MGAT5B: variants seen among roughly 807,000 people sequenced by gnomAD.
The protein encoded by MGAT5B is N-acetylglucosaminyl-transferase Vb.
Under a neutral mutation model 95.1 loss-of-function variants are expected in MGAT5B, and 54 were observed. The ratio of observed to expected loss-of-function variants is 0.57; its 90% CI spans 0.46 to 0.71. The LOEUF is 0.71. Ranked by LOEUF, MGAT5B falls within the 30% of genes least tolerant of loss-of-function variation. The pLI is 0.00. For missense variants in MGAT5B, 935 were observed against 1,088.6 expected (o/e 0.86, Z 1.99); for synonymous variants, 464 against 451.0 (o/e 1.03, Z -0.36).
intron 3 of MGAT5B, among the ~76,000 whole-genome samples, chr17:76,887,828 A>G (rs1369032824): frequency 6.6e-6 from 1 of 151,696 alleles, no homozygotes; most frequent in Non-Finnish European, 1.5e-5. Context: ...AAGTGCTGGG[A>G]TTGCAGGTGT....
rs974281150 is a variant in MGAT5B at position 76,912,301 on chromosome 17, A to T, written c.1025+6114A>T. 6.6e-6 allele frequency among the ~76,000 whole-genome samples: 1 copy of T among 152,150 alleles called. No homozygotes were observed. The highest frequency in any genetic ancestry group is 2.1e-4 in the South Asian group (1 of 4,824). On this transcript the variant is annotated intron_variant, in intron 8 of 17. Transcript: ENST00000569840. This position sits in a 1 kb window ranked among gnomAD's most constrained non-coding sequence, Gnocchi z 5.0. Reference sequence around the variant, plus strand: ...GGGGCCCTGGGCAGAGTTCCCAGCGAGCAACCGCGAGCCCTTCAGGGAGAG... The same window carrying T: ...GGGGCCCTGGGCAGAGTTCCCAGCGTGCAACCGCGAGCCCTTCAGGGAGAG...
intron 4 of MGAT5B, 62 bp downstream of exon 4, chr17:76,902,732 TGGGCCCTGGGA>T: frequency 2.0e-5 from 14 of 684,874 alleles, no homozygotes; most frequent in East Asian, 4.2e-5. Flanking sequence ...GGGTGCTGGG[TGGGCCCTGGGA>T]GGGTGGGACA....
chr17:76,932,313 A>C (rs1056141850), intron 10 of MGAT5B, among the ~76,000 whole-genome samples: 1 of 151,788 alleles, frequency 6.6e-6, no homozygotes, highest in Non-Finnish European at 1.5e-5. Flanking sequence ...TTAAATTTTT[A>C]AATAGAGACA....
rs374435006 is a variant in MGAT5B at position 76,940,696 on chromosome 17, C to T, written c.1732-36C>T. 19 of 1,605,374 alleles carry T rather than the reference C, an allele frequency of 1.2e-5. No homozygotes were observed. Among genetic ancestry groups the T allele is most frequent in the Non-Finnish European group, 2.6e-6 (3 of 1,172,854 alleles). On this transcript the variant is annotated intron_variant, in intron 14 of 17. Transcript: ENST00000569840. This position sits in a 1 kb window ranked among gnomAD's most constrained non-coding sequence, Gnocchi z 4.3. ...TCTTTGTCCCTGTCCCACTGGCAGGCACGGGGGGCATCTGCAATCTCTGTA... is the reference window on the plus strand; with the variant it reads ...TCTTTGTCCCTGTCCCACTGGCAGGTACGGGGGGCATCTGCAATCTCTGTA...
chr17:76,946,300 C>T (rs1970027331), intron 15 of MGAT5B, 76 bp from the exon 16 acceptor site: 1 of 1,295,300 alleles, frequency 7.7e-7, no homozygotes, highest in African/African-American at 1.5e-5. Flanking sequence ...GACCTCCACC[C>T]CCAATGCCGA....
chr17:76,898,478 A>G (rs34503687), intron 3 of MGAT5B, among the ~76,000 whole-genome samples: 12,835 of 150,552 alleles, frequency 0.085, 1,483 homozygotes, highest in African/African-American at 0.25. Flanking sequence ...ACAGGCGCGC[A>G]CCACCACACC....
intron 15 of MGAT5B, among the ~76,000 whole-genome samples, chr17:76,943,042 G>C (rs550537405): frequency 5.2e-5 from 7 of 135,194 alleles, no homozygotes; most frequent in African/African-American, 1.7e-4. Flanking sequence ...TTGCCCCCCC[G>C]GGAGGCCCAG....
intron 2 of MGAT5B, among the ~76,000 whole-genome samples, chr17:76,880,109 G>A (rs576619675): frequency 6.6e-6 from 1 of 152,260 alleles, no homozygotes; most frequent in Admixed American, 6.5e-5. Flanking sequence ...GAGGAAATAT[G>A]CCCATTTTCT....
chr17:76,942,647 G>A (rs1261596002), intron 15 of MGAT5B, among the ~76,000 whole-genome samples: 1 of 152,244 alleles, frequency 6.6e-6, no homozygotes, highest in Admixed American at 6.5e-5. Context: ...CCAGTGCCAG[G>A]AAGGAGGCCT....
intron 17 of MGAT5B, 110 bp downstream of exon 17, chr17:76,948,196 G>T (rs537320299): frequency 9.0e-6 from 13 of 1,450,996 alleles, no homozygotes; most frequent in Non-Finnish European, 1.2e-5. Flanking sequence ...AGTGTGGGGG[G>T]ATGTAATGCT....
chr17:76,892,029 A>G (rs494468), intron 3 of MGAT5B, among the ~76,000 whole-genome samples: 73,478 of 152,090 alleles, frequency 0.48, 22,894 homozygotes, highest in African/African-American at 0.86. Context: ...TGAGGCTGGT[A>G]TGGTATCAGG....
At chr17:76,924,945 T>C (rs751930918) in intron 8 of MGAT5B, 21 bp from the exon 9 acceptor site, 2 of 1,611,538 alleles carry the variant, frequency 1.2e-6, no homozygotes, top group South Asian at 2.2e-5. Context: ...GGGCCCAGAA[T>C]CTGAAGGGCT....
At chr17:76,871,437 G>A (rs940772394) in intron 1 of MGAT5B, among the ~76,000 whole-genome samples, 1 of 152,102 alleles carries the variant, frequency 6.6e-6, no homozygotes, top group African/African-American at 2.4e-5. Context: ...TCTCTCCTTG[G>A]AGCTCCCAAG....
At chr17:76,897,731 C>CTTTTTCT (rs1968142274) in intron 3 of MGAT5B, among the ~76,000 whole-genome samples, 2 of 84,858 alleles carry the variant, frequency 2.4e-5, no homozygotes, top group South Asian at 3.6e-4. Context: ...CTTTCTTTTT[C>CTTTTTCT]TTTTTTTTTT....
Position 76,887,518 on chromosome 17 carries a change from C to CTCT in MGAT5B, c.329+5220_329+5221insTCT, listed in dbSNP as rs1967696681. Among the ~76,000 whole-genome samples the CTCT allele has an allele frequency of 5.7e-5, 4 of 70,402 alleles. No homozygotes were observed. In the East Asian group the frequency reaches 1.9e-3, roughly 33 times the overall value. 46.2% of individuals were successfully genotyped at this position (70,402 alleles called of 152,430 possible). A position where few individuals can be genotyped will look rare whatever the true frequency, so the allele number is the denominator to read the frequency against. Reference sequence around the variant, plus strand: ...CCCTTCCTCTCTCCCTCCCTCCCTCCCTCCCTCCCTCCCTTCCTTCCTTCC... The same window carrying CTCT: ...CCCTTCCTCTCTCCCTCCCTCCCTCCTCTCTCCCTCCCTCCCTTCCTTCCTTCC... On this transcript the variant is annotated intron_variant, in intron 3 of 17. Coordinates refer to ENST00000569840, the MANE Select transcript of MGAT5B (RefSeq NM_001199172.2).
intron 2 of MGAT5B, among the ~76,000 whole-genome samples, chr17:76,879,993 G>A (rs369174623): frequency 3.3e-5 from 5 of 152,166 alleles, no homozygotes; most frequent in Non-Finnish European, 7.4e-5. Context: ...GTCATCTAAC[G>A]CTAGTATGAA....
chr17:76,944,249 C>CGTT (rs10681283), intron 15 of MGAT5B: 76,263 of 151,740 alleles, frequency 0.5, 19,755 homozygotes, highest in Non-Finnish European at 0.57. Context: ...GGAACGTCGT[C>CGTT]GTCGTCGTTG....
chr17:76,886,337 G>C (rs1568168220), intron 3 of MGAT5B, among the ~76,000 whole-genome samples: 1 of 152,166 alleles, frequency 6.6e-6, no homozygotes, highest in Non-Finnish European at 1.5e-5. Flanking sequence ...TCAGAGTGGG[G>C]CAGACCTGGG....
chr17:76,923,414 A>G (rs1969184211), intron 8 of MGAT5B, among the ~76,000 whole-genome samples: 1 of 151,976 alleles, frequency 6.6e-6, no homozygotes, highest in African/African-American at 2.4e-5. Context: ...AATCCTGGGG[A>G]GGTGGGCATC....
Sources: gnomAD v4.1 joint callset for allele counts (sites outside exome capture counted in the v4.1 genomes callset) on GRCh38, gnomAD v4.1.1 for gene constraint, Gnocchi (gnomAD v3.1) non-coding constraint, MANE v1.5 for transcripts, NCBI Gene and HGNC (gene_info 2026-07-23, HGNC 2026-07-21) for gene names.